Variants in ZNF107 observed in about 807,000 individuals in gnomAD.
The protein encoded by ZNF107 is zinc finger protein 107, also known as C2H2 type zinc-finger protein.
In ZNF107, 19 loss-of-function variants were observed where a neutral mutation model predicts 12.3. That is an observed-to-expected ratio of 1.55 (90% CI 1.08 to 2.27). The LOEUF is 2.27. ZNF107 is among the 30% of genes most tolerant of loss of function. ZNF107 has a pLI of 0.00. For missense variants in ZNF107, 958 were observed against 979.9 expected, an observed-to-expected ratio of 0.98 and a Z score of 0.30; for synonymous variants, 317 against 330.5, an observed-to-expected ratio of 0.96 and a Z score of 0.44.
rs1790745011 is a variant in ZNF107 at position 64,708,137 on chromosome 7, A to C, written c.2040A>C (p.Glu680Asp). 1 of 1,611,820 alleles carries C rather than the reference A, an allele frequency of 6.2e-7. No individual in the cohort carries two copies. Among genetic ancestry groups the C allele is most frequent in the Admixed American group, 1.7e-5 (1 of 59,484 alleles). The part of the protein sequence containing the change: ...IYTGEKPHKC[E>D]ECGKAYNRFS... ...CTGGAGAGAAACCCCACAAATGTGAAGAATGTGGAAAAGCTTATAACCGAT... is the reference window on the plus strand; with the variant it reads ...CTGGAGAGAAACCCCACAAATGTGACGAATGTGGAAAAGCTTATAACCGAT... Residue 680 changes from glutamate (E) to aspartate (D), a missense_variant, in exon 4 of 4, where the codon GAA (glutamate) becomes GAC (aspartate). Transcript: ENST00000620827.
At chr7:64,697,085 G>T (rs1790315500) in intron 3 of ZNF107, among the ~76,000 whole-genome samples, 1 of 151,122 alleles carries the variant, frequency 6.6e-6, no homozygotes, top group Non-Finnish European at 1.5e-5. Flanking sequence ...TTTTGTCCTT[G>T]CGATAGTTTG....
At chr7:64,678,874 T>C (rs1196737944) in intron 1 of ZNF107, 2 of 152,048 alleles carry the variant, frequency 1.3e-5, no homozygotes, top group African/African-American at 2.4e-5. Context: ...TCAAAAACCA[T>C]AATAGCTCTT....
Position 64,709,195 on chromosome 7 carries a change from T to C in ZNF107, c.*539T>C. ...TAACTGTAGATAAGAAAATTCATAC[T>C]GGAAAGAAACCCTACAAATGTGAAG... On this transcript the variant is annotated 3_prime_UTR_variant, in exon 4 of 4. Coordinates refer to ENST00000620827, the MANE Select transcript of ZNF107 (RefSeq NM_001282359.2). The C allele has an allele frequency of 2.4e-6, 1 of 417,246 alleles. No homozygotes were observed. The allele number at this position is 417,246 out of a possible 1,614,324, so 25.8% of individuals were successfully genotyped here.
intron 3 of ZNF107, among the ~76,000 whole-genome samples, chr7:64,702,296 C>T (rs2128966932): frequency 6.6e-6 from 1 of 151,358 alleles, no homozygotes; most frequent in East Asian, 2.0e-4. Context: ...ATTACAGGCA[C>T]ACTGTAATTT....
At chr7:64,680,988 A>T (rs1007906967) in intron 1 of ZNF107, among the ~76,000 whole-genome samples, 1 of 152,148 alleles carries the variant, frequency 6.6e-6, no homozygotes, top group Admixed American at 6.5e-5. Context: ...GGGCCAAGGA[A>T]TGCCTGCAGC....
chr7:64,687,854 T>C (rs145642819), intron 1 of ZNF107, among the ~76,000 whole-genome samples: 3 of 152,312 alleles, frequency 2.0e-5, no homozygotes, highest in African/African-American at 7.2e-5. Flanking sequence ...ACTCTGGAGC[T>C]GGAGAAAATT....
Position 64,691,950 on chromosome 7 carries a change from C to A in ZNF107, c.216C>A (p.Ala72=). The A allele has an allele frequency of 6.6e-7, 1 of 1,515,506 alleles. No homozygotes were observed. The highest frequency in any genetic ancestry group is 8.8e-7 in the Non-Finnish European group (1 of 1,132,990). The allele number at this position is 1,515,506 out of a possible 1,614,324, so 93.9% of individuals were successfully genotyped here. ...ATATAAAAAGACATGAGATGGTAGC[C>A]AAACCCCCAGGTAGGTGAGAGTGAA... ...PWNIKRHEMV[A]KPPVMSFHFA... is the part of the protein sequence containing the mutation. Residue 72 remains alanine (A), a synonymous_variant, in exon 3 of 4, where the codon GCC becomes GCA. Transcript: ENST00000620827.
At position 64,709,339 on chromosome 7, in the gene ZNF107, T is replaced by G; in HGVS notation, c.*683T>G. ...ATGCCTTTAACTGGTCCTCACACCT[T>G]GCTACATATAAGACAGTTTATACTT... On this transcript the variant is annotated 3_prime_UTR_variant, in exon 4 of 4. Coordinates refer to ENST00000620827, the MANE Select transcript of ZNF107 (RefSeq NM_001282359.2). The G allele has an allele frequency of 2.9e-6, 1 of 345,966 alleles. No individual in the cohort carries two copies. The highest frequency in any genetic ancestry group is 5.6e-6 in the Non-Finnish European group (1 of 178,000). 21.4% of individuals were successfully genotyped at this position (345,966 alleles called of 1,614,324 possible).
chr7:64,680,208 G>A (rs1011575674), intron 1 of ZNF107, among the ~76,000 whole-genome samples: 2 of 152,084 alleles, frequency 1.3e-5, no homozygotes, highest in African/African-American at 2.4e-5. Context: ...GGGATAGTCC[G>A]AGTTCATGTT....
At chr7:64,668,492 T>G (rs1789094724) in intron 1 of ZNF107, among the ~76,000 whole-genome samples, 1 of 151,930 alleles carries the variant, frequency 6.6e-6, no homozygotes. Context: ...GACACATCTG[T>G]TTTCTAATCA....
intron 1 of ZNF107, among the ~76,000 whole-genome samples, chr7:64,688,638 A>G (rs1241846969): frequency 6.6e-6 from 1 of 152,208 alleles, no homozygotes; most frequent in Non-Finnish European, 1.5e-5. Flanking sequence ...CTAAATTTGC[A>G]GCTCCAAATT....
At chr7:64,700,459 A>G (rs1213196366) in intron 3 of ZNF107, among the ~76,000 whole-genome samples, 6 of 145,508 alleles carry the variant, frequency 4.1e-5, no homozygotes, top group South Asian at 2.2e-4. Context: ...AGATGCTGGC[A>G]TGCACTTCTT....
rs138851716 is a variant in ZNF107 at position 64,680,598 on chromosome 7, C to T, written c.4-10650C>T. Among the ~76,000 whole-genome samples the T allele has an allele frequency of 2.0e-5, 3 of 152,294 alleles. No homozygotes were observed. In the East Asian group the frequency reaches 5.8e-4, roughly 29 times the overall value. ...TTATGATAAGTTAAAAGAAATCACT[C>T]AGGGCAAGGACGAAAATCCAGCCCA... On this transcript the variant is annotated intron_variant, in intron 1 of 3. Transcript: ENST00000620827.
intron 1 of ZNF107, chr7:64,679,370 T>C (rs993955174): frequency 5.1e-5 from 50 of 984,028 alleles, no homozygotes; most frequent in Non-Finnish European, 1.2e-5. Flanking sequence ...AAACTTTCCT[T>C]TTCTTAGAGA....
chr7:64,692,521 A>G (rs1266702337), intron 3 of ZNF107, among the ~76,000 whole-genome samples: 3 of 152,142 alleles, frequency 2.0e-5, no homozygotes, highest in Admixed American at 1.3e-4. Context: ...AGTTTCATGT[A>G]AATTTTAGAA....
chr7:64,697,971 C>T (rs745913503), intron 3 of ZNF107, among the ~76,000 whole-genome samples: 26 of 152,116 alleles, frequency 1.7e-4, no homozygotes, highest in Admixed American at 2.6e-4. Context: ...TGAGCCACCG[C>T]GCCCGGCCGG....
In ZNF107 at chr7:64,706,981, G is replaced by C. The variant is rs781478095; in HGVS notation, c.884G>C (p.Ser295Thr). 6.2e-7 allele frequency: 1 copy of C among 1,611,194 alleles called. No homozygotes were observed. Among genetic ancestry groups the C allele is most frequent in the East Asian group, 2.2e-5 (1 of 44,616 alleles). The change falls in exon 4 of 4, where the codon AGC (serine) becomes ACC (threonine). Residue 295 changes from serine to threonine, a missense_variant. Transcript: ENST00000620827. ...YKYEECGKVF[S>T]QSSHLTTQKI... ...TATGAAGAATGTGGCAAAGTCTTTA[G>C]CCAGTCCTCACACCTTACTACACAA...
chr7:64,710,682 A>C lies in ZNF107; in HGVS notation c.*2026A>C, dbSNP rs1266920102. ...AAATGATGTAATTCAACTCAAATTC[A>C]TGCTCTTCATTCCTATTGTATTCAC... On this transcript the variant is annotated 3_prime_UTR_variant, in exon 4 of 4. Coordinates refer to ENST00000620827, the MANE Select transcript of ZNF107 (RefSeq NM_001282359.2). 1 of 152,062 alleles carries C rather than the reference A, an allele frequency of 6.6e-6. No homozygotes were observed. The highest frequency in any genetic ancestry group is 1.5e-5 in the Non-Finnish European group (1 of 67,942). The allele number at this position is 152,062 out of a possible 1,614,324, so 9.4% of individuals were successfully genotyped here.
intron 3 of ZNF107, among the ~76,000 whole-genome samples, chr7:64,705,963 G>T: frequency 6.8e-6 from 1 of 147,960 alleles, no homozygotes. Flanking sequence ...TATTTTTCTT[G>T]TCTTTAAAAA....
Sources: allele counts gnomAD v4.1 joint callset (sites outside exome capture counted in the v4.1 genomes callset), GRCh38; gene constraint gnomAD v4.1.1; transcripts MANE v1.5; gene names NCBI Gene and HGNC (gene_info 2026-07-23, HGNC 2026-07-21).